The following GAS6 variants were observed in gnomAD, a reference collection of about 807,000 sequenced individuals.
GAS6 encodes growth arrest specific 6.
Under a neutral mutation model 75.8 loss-of-function variants are expected in GAS6, and 41 were observed. The ratio of observed to expected loss-of-function variants is 0.54; its 90% CI spans 0.42 to 0.70. The LOEUF is 0.70. GAS6 is among the 30% of genes least tolerant of loss of function. The pLI, the probability that GAS6 is intolerant of heterozygous loss-of-function variation, is 0.00. For missense variants in GAS6, 854 were observed against 940.2 expected, an observed-to-expected ratio of 0.91 and a Z score of 1.20; for synonymous variants, 432 against 412.6, an observed-to-expected ratio of 1.05 and a Z score of -0.57.
chr13:113,850,575 A>T (rs192641610), intron 2 of GAS6, among the ~76,000 whole-genome samples: 3 of 152,308 alleles, frequency 2.0e-5, no homozygotes, highest in Admixed American at 2.0e-4. Context: ...ACCCCAAGCC[A>T]CTGCACTGTT....
At chr13:113,830,841 C>A (rs2051621934) in intron 10 of GAS6, among the ~76,000 whole-genome samples, 1 of 152,228 alleles carries the variant, frequency 6.6e-6, no homozygotes, top group Non-Finnish European at 1.5e-5. Flanking sequence ...CTCAGGCCAC[C>A]TGCCCTGGGG....
chr13:113,855,403 G>A (rs1190923955), intron 2 of GAS6, among the ~76,000 whole-genome samples: 4 of 152,228 alleles, frequency 2.6e-5, no homozygotes, highest in Non-Finnish European at 5.9e-5. Context: ...GGTCTTGCCA[G>A]CCACCACGTT....
At chr13:113,825,888 C>T (rs988855221) in intron 12 of GAS6, among the ~76,000 whole-genome samples, 1 of 152,182 alleles carries the variant, frequency 6.6e-6, no homozygotes, top group African/African-American at 2.4e-5. Context: ...GCGTGGATCC[C>T]CTTGAACCTG....
intron 4 of GAS6, chr13:113,843,847 T>G (rs528936086): frequency 7.9e-5 from 12 of 151,024 alleles, no homozygotes; most frequent in African/African-American, 2.7e-4. Flanking sequence ...ACCAGTGAAC[T>G]GAAGCCAGGA....
chr13:113,822,065 C>G lies in GAS6; in HGVS notation c.1775G>C (p.Gly592Ala). The G allele has an allele frequency of 6.3e-7, 1 of 1,589,628 alleles. No homozygotes were observed. Among genetic ancestry groups the G allele is most frequent in the Non-Finnish European group, 8.5e-7 (1 of 1,170,048 alleles). ...RDGEATLEVD[G>A]TRGQSEVSAA... ...GCTCACCTCGCTCTGGCCCCTGGTG[C>G]CGTCCACCTCCAGGGTGGCCTCACC... Residue 592 changes from glycine (G) to alanine (A), a missense_variant, in exon 14 of 15, where the codon GGC (glycine) becomes GCC (alanine). Physicochemically the swap from Gly to Ala is moderately conservative, Grantham distance 60. Transcript: ENST00000327773.
At chr13:113,833,584 G>C (rs1039546369) in intron 8 of GAS6, 1 of 997,240 alleles carries the variant, frequency 1.0e-6, no homozygotes, top group Admixed American at 7.4e-5. Flanking sequence ...TGACAGGTCA[G>C]TGTGACAGGT....
intron 7 of GAS6, 143 bp downstream of exon 7, chr13:113,835,370 T>C (rs1267985273): frequency 1.0e-6 from 1 of 998,888 alleles, no homozygotes; most frequent in Non-Finnish European, 1.5e-6. Context: ...CACAGGCCAT[T>C]ACCAGGCTGA....
intron 10 of GAS6, among the ~76,000 whole-genome samples, chr13:113,829,744 G>A (rs1022162484): frequency 6.7e-6 from 1 of 148,630 alleles, no homozygotes; most frequent in Non-Finnish European, 1.5e-5. Flanking sequence ...ACCTCAGGGA[G>A]TCCACCTGAT....
chr13:113,834,596 G>A lies in GAS6; in HGVS notation c.789C>T (p.Asp263=), dbSNP rs755823762. The A allele has an allele frequency of 1.1e-4, 174 of 1,608,458 alleles. No individual in the cohort carries two copies. Among genetic ancestry groups the A allele is most frequent in the East Asian group, 1.1e-4 (5 of 44,554 alleles). ...GGGACAGCTTGAGGCCCCCACGCCCGTCACAGTGGCAGGTGTAGCTCCCTG... is the reference window on the plus strand; with the variant it reads ...GGGACAGCTTGAGGCCCCCACGCCCATCACAGTGGCAGGTGTAGCTCCCTG... The part of the protein sequence containing the change: ...NSPGSYTCHC[D]GRGGLKLSQD... Residue 263 remains aspartate, a synonymous_variant, in exon 8 of 15, where the codon GAC becomes GAT. Transcript: ENST00000327773.
chr13:113,857,401 A>C (rs994236115), intron 2 of GAS6, among the ~76,000 whole-genome samples: 23 of 152,340 alleles, frequency 1.5e-4, no homozygotes, highest in African/African-American at 5.5e-4. Context: ...GCCAGGGTCA[A>C]AATTTACAAG....
intron 2 of GAS6, among the ~76,000 whole-genome samples, chr13:113,861,595 G>A (rs758796872): frequency 3.9e-5 from 6 of 152,156 alleles, no homozygotes; most frequent in Non-Finnish European, 7.3e-5. Flanking sequence ...TCGGGCCTGG[G>A]GTCTCCCAAG....
Position 113,848,428 on chromosome 13 carries a change from G to A in GAS6, c.256-378C>T, listed in dbSNP as rs2051850185. On this transcript the variant is annotated intron_variant, in intron 2 of 14. Transcript: ENST00000327773. This position sits in a 1 kb window ranked among gnomAD's most constrained non-coding sequence, Gnocchi z 4.8. ...CCCAAAGACCTTTCTTTTGGCACAC[G>A]GGCATTGATTTGCACTTATAGTATT... Among the ~76,000 whole-genome samples, 1 of 152,150 alleles carries A rather than the reference G, an allele frequency of 6.6e-6. No homozygotes were observed. The highest frequency in any genetic ancestry group is 1.5e-5 in the Non-Finnish European group (1 of 68,008).
intron 2 of GAS6, among the ~76,000 whole-genome samples, chr13:113,853,067 C>A (rs960675707): frequency 6.6e-6 from 1 of 152,202 alleles, no homozygotes; most frequent in Admixed American, 6.5e-5. Flanking sequence ...AGTGGTCTCT[C>A]GATCCAACTA....
chr13:113,832,847 C>T (rs761428639), intron 8 of GAS6, 95 bp from the exon 9 acceptor site: 113 of 1,586,888 alleles, frequency 7.1e-5, no homozygotes, highest in Non-Finnish European at 7.0e-5. Context: ...TCCACTGTCC[C>T]TCCTGTGCCT....
At chr13:113,839,414 T>C in intron 5 of GAS6, 1 of 264,554 alleles carries the variant, frequency 3.8e-6, no homozygotes, top group South Asian at 8.9e-5. Context: ...CGCCTTTCAA[T>C]CAGTGGGTGC....
intron 10 of GAS6, among the ~76,000 whole-genome samples, chr13:113,831,543 G>A (rs941840806): frequency 6.6e-6 from 1 of 152,044 alleles, no homozygotes; most frequent in African/African-American, 2.4e-5. Context: ...TAAACAGCAT[G>A]GCCTCCAGAC....
At chr13:113,821,843 T>A in intron 14 of GAS6, 115 bp downstream of exon 14, 1 of 777,354 alleles carries the variant, frequency 1.3e-6, no homozygotes, top group Admixed American at 3.1e-5. Flanking sequence ...AAAACACAAG[T>A]CCTCTTCCGC....
intron 2 of GAS6, among the ~76,000 whole-genome samples, chr13:113,849,283 G>A (rs2051856634): frequency 6.6e-6 from 1 of 152,196 alleles, no homozygotes; most frequent in Admixed American, 6.5e-5. Context: ...CAGGAGGGCT[G>A]CAGACCTGGA....
Position 113,837,198 on chromosome 13 carries a change from A to G in GAS6, c.589+871T>C, listed in dbSNP as rs2051726880. Among the ~76,000 whole-genome samples, 1 of 152,024 alleles carries G rather than the reference A, an allele frequency of 6.6e-6. No homozygotes were observed. Among genetic ancestry groups the G allele is most frequent in the African/African-American group, 2.4e-5 (1 of 41,346 alleles). On this transcript the variant is annotated intron_variant, in intron 6 of 14. Transcript: ENST00000327773. This position sits in a 1 kb window ranked among gnomAD's most constrained non-coding sequence, Gnocchi z 5.1. ...AAGATGGGAATCACGTCATCTGCAC[A>G]CAGGGCTAACTCCTGGGTGGTCAGG...
Sources: gnomAD v4.1 joint callset for allele counts (sites outside exome capture counted in the v4.1 genomes callset) on GRCh38, gnomAD v4.1.1 for gene constraint, Gnocchi (gnomAD v3.1) non-coding constraint, MANE v1.5 for transcripts, NCBI Gene and HGNC (gene_info 2026-07-23, HGNC 2026-07-21) for gene names.